The following TNRC6A variants were observed in gnomAD, a reference collection of about 807,000 sequenced individuals.
TNRC6A encodes the protein trinucleotide repeat containing adaptor 6A, also known as trinucleotide repeat-containing gene 6A protein.
TNRC6A carries 44 observed loss-of-function variants against 221.2 expected under a neutral mutation model. That is an observed-to-expected ratio of 0.20 (90% confidence interval 0.16 to 0.26). The LOEUF is 0.26. Among genes scored for constraint, TNRC6A ranks in the 10% least tolerant of loss-of-function variants. TNRC6A has a pLI of 1.00. For missense variants in TNRC6A, 2,199 were observed against 2,404.4 expected, an observed-to-expected ratio of 0.91 and a Z score of 1.79; for synonymous variants, 847 against 838.5, an observed-to-expected ratio of 1.01 and a Z score of -0.18.
chr16:24,695,121 G>A (rs112271158), intron 2 of TNRC6A, among the ~76,000 whole-genome samples: 2 of 152,034 alleles, frequency 1.3e-5, no homozygotes, highest in Admixed American at 6.6e-5. Flanking sequence ...AGTTCTTCAC[G>A]AGCACCATCT....
chr16:24,628,210 GGAGT>G (rs1172594232), intron 1 of TNRC6A, among the ~76,000 whole-genome samples: 3 of 151,706 alleles, frequency 2.0e-5, no homozygotes, highest in Non-Finnish European at 2.9e-5. Flanking sequence ...CCTGAGGTCA[GGAGT>G]TGGAGACTAG....
chr16:24,678,994 ATT>A (rs10556464), intron 2 of TNRC6A, among the ~76,000 whole-genome samples: 94,862 of 135,760 alleles, frequency 0.7, 32,863 homozygotes, highest in South Asian at 0.8. Context: ...AAAACATTGA[ATT>A]TTTTTTTTTT....
chr16:24,670,844 G>T (rs1392445714), intron 2 of TNRC6A: 4 of 214,826 alleles, frequency 1.9e-5, no homozygotes, highest in Non-Finnish European at 3.1e-5. Context: ...GGGAACAAGT[G>T]GATCTCTCCA....
intron 2 of TNRC6A, among the ~76,000 whole-genome samples, chr16:24,643,110 A>AATATATATTTT: frequency 1.8e-5 from 1 of 56,804 alleles, no homozygotes; most frequent in South Asian, 8.0e-4. Flanking sequence ...ATATATATAA[A>AATATATATTTT]ATATATATAT....
intron 4 of TNRC6A, among the ~76,000 whole-genome samples, chr16:24,774,419 T>C (rs1352513530): frequency 6.6e-6 from 1 of 152,370 alleles, no homozygotes; most frequent in Non-Finnish European, 1.5e-5. Flanking sequence ...GGTACTTTAC[T>C]GATCAGAAGT....
chr16:24,780,239 T>C (rs1188333180), intron 5 of TNRC6A, among the ~76,000 whole-genome samples: 2 of 152,184 alleles, frequency 1.3e-5, no homozygotes, highest in Non-Finnish European at 2.9e-5. Context: ...GTTAACATTG[T>C]CCCATCTTGA....
Position 24,822,838 on chromosome 16 carries a change from A to T in TNRC6A, c.5374-36A>T, listed in dbSNP as rs200292089. 1.6e-3 allele frequency: 2,604 copies of T among 1,611,616 alleles called. 51 individuals are homozygous for T. The South Asian group carries it at 0.026, about 16-fold the overall frequency. On this transcript the variant is annotated intron_variant, in intron 23 of 24. Transcript: ENST00000395799. ...ACAGCCTCCTGGAGGGCCCGCGGTG[A>T]CGCCTCTCACTGGCAGTTTCCACAC...
intron 2 of TNRC6A, among the ~76,000 whole-genome samples, chr16:24,695,045 C>T (rs1479334805): frequency 6.6e-6 from 1 of 152,164 alleles, no homozygotes; most frequent in Non-Finnish European, 1.5e-5. Flanking sequence ...TAATTTGATT[C>T]AGAAAACCCA....
chr16:24,654,879 G>A (rs1024954717), intron 2 of TNRC6A, among the ~76,000 whole-genome samples: 41 of 152,042 alleles, frequency 2.7e-4, no homozygotes, highest in African/African-American at 9.9e-4. Flanking sequence ...AAAACATTCT[G>A]GACAGAATAT....
At chr16:24,722,908 G>T (rs747946302) in intron 2 of TNRC6A, among the ~76,000 whole-genome samples, 3 of 152,104 alleles carry the variant, frequency 2.0e-5, no homozygotes, top group Non-Finnish European at 2.9e-5. Context: ...TGCATGAGAG[G>T]CAGGGAAGAG....
In TNRC6A at chr16:24,789,977, T is replaced by C; in HGVS notation, c.1335T>C (p.Asn445=). ...TTTCATTCAGTGGTCAACCTCAAAA[T>C]ATTACCACTGAAATGACTGGACCAA... is the stretch of plus-strand genomic sequence containing the variant. ...QKVSFSGQPQ[N]ITTEMTGPNN... Residue 445 remains asparagine, a synonymous_variant, in exon 6 of 25, where the codon AAT becomes AAC. Coordinates refer to ENST00000395799, the MANE Select transcript of TNRC6A (RefSeq NM_014494.4). 6.2e-7 allele frequency: 1 copy of C among 1,614,136 alleles called. No individual in the cohort carries two copies. Among genetic ancestry groups the C allele is most frequent in the South Asian group, 1.1e-5 (1 of 91,072 alleles).
At chr16:24,674,836 A>G (rs947547759) in intron 2 of TNRC6A, among the ~76,000 whole-genome samples, 5 of 152,068 alleles carry the variant, frequency 3.3e-5, no homozygotes, top group Admixed American at 2.0e-4. Context: ...ATCTCTGTCA[A>G]GCCATCCAAA....
At chr16:24,748,328 C>T (rs1322918272) in intron 2 of TNRC6A, among the ~76,000 whole-genome samples, 1 of 152,148 alleles carries the variant, frequency 6.6e-6, no homozygotes, top group African/African-American at 2.4e-5. Flanking sequence ...CCGTTGTTTA[C>T]TGATTTTACT....
At chr16:24,771,960 C>T (rs963836011) in intron 4 of TNRC6A, among the ~76,000 whole-genome samples, 1 of 152,188 alleles carries the variant, frequency 6.6e-6, no homozygotes, top group Admixed American at 6.5e-5. Flanking sequence ...CATTTGTTTG[C>T]ATTTACCTGT....
chr16:24,736,117 A>G (rs2056761498), intron 2 of TNRC6A, among the ~76,000 whole-genome samples: 1 of 152,212 alleles, frequency 6.6e-6, no homozygotes, highest in African/African-American at 2.4e-5. Context: ...GTGAGCCGAA[A>G]TTGCGCCATT....
chr16:24,810,432 G>A lies in TNRC6A; in HGVS notation c.4672+951G>A, dbSNP rs2058519711. Among the ~76,000 whole-genome samples, 3 of 152,250 alleles carry A rather than the reference G, an allele frequency of 2.0e-5. No homozygotes were observed. The South Asian group carries it at 6.2e-4, about 32-fold the overall frequency. On this transcript the variant is annotated intron_variant, in intron 18 of 24. Coordinates refer to ENST00000395799, the MANE Select transcript of TNRC6A (RefSeq NM_014494.4). ...GTTCATTGTGAACGAAAGTATGTCA[G>A]CAGCTTTAGTACAATATAATAGGTA...
intron 1 of TNRC6A, among the ~76,000 whole-genome samples, chr16:24,612,322 A>T (rs1900092152): frequency 6.6e-6 from 1 of 152,116 alleles, no homozygotes; most frequent in African/African-American, 2.4e-5. Context: ...CAAGATGGAG[A>T]AACTGAGGCA....
chr16:24,694,365 A>G (rs1256411205), intron 2 of TNRC6A, among the ~76,000 whole-genome samples: 2 of 152,170 alleles, frequency 1.3e-5, no homozygotes, highest in Non-Finnish European at 2.9e-5. Context: ...GTATAAGACT[A>G]GTGAGCCTTG....
At chr16:24,771,717 GC>G (rs2057615815) in intron 4 of TNRC6A, among the ~76,000 whole-genome samples, 1 of 151,970 alleles carries the variant, frequency 6.6e-6, no homozygotes, top group Non-Finnish European at 1.5e-5. Context: ...ACAGACATCT[GC>G]TGCTGTGCCT....
Sources: gnomAD v4.1 joint callset for allele counts (sites outside exome capture counted in the v4.1 genomes callset) on GRCh38, gnomAD v4.1.1 for gene constraint, MANE v1.5 for transcripts, NCBI Gene and HGNC (gene_info 2026-07-23, HGNC 2026-07-21) for gene names.